The following ENTPD6 variants were observed in gnomAD, a reference collection of about 807,000 sequenced individuals.
ENTPD6 encodes the protein ectonucleoside triphosphate diphosphohydrolase 6.
ENTPD6 carries 46 observed loss-of-function variants against 61.5 expected under a neutral mutation model. That is an observed-to-expected ratio of 0.75 (90% CI 0.59 to 0.96). ENTPD6 has a LOEUF of 0.96. Ranked by LOEUF, ENTPD6 falls within the 40% of genes least tolerant of loss-of-function variation. The probability of loss-of-function intolerance (pLI) is 0.00; values close to 1 mark genes in which losing one functional copy is unlikely to be tolerated. For synonymous variants in ENTPD6, 252 were observed against 255.5 expected (o/e 0.99, Z 0.13); for missense variants, 612 against 629.0 (o/e 0.97, Z 0.29).
In ENTPD6 at chr20:25,209,787, A is replaced by T. The variant is rs2091824195; in HGVS notation, c.377-62A>T. ...TCTTTAAAAAGTGTGGCTAGTCATG[A>T]TTGTATGTGTTCTCCTGTGTGTATT... On this transcript the variant is annotated intron_variant, in intron 3 of 14. Transcript: ENST00000376652. The T allele has an allele frequency of 3.5e-6, 5 of 1,412,944 alleles. No individual in the cohort carries two copies. In the Admixed American group the frequency reaches 8.4e-5, roughly 24 times the overall value. The allele number at this position is 1,412,944 out of a possible 1,614,324, so 87.5% of individuals were successfully genotyped here.
intron 11 of ENTPD6, chr20:25,221,643 G>T (rs2092636332): frequency 2.4e-6 from 1 of 417,012 alleles, no homozygotes. Flanking sequence ...GAGATGCAGG[G>T]CTGGGACTGG....
rs2092230304 is a variant in ENTPD6 at position 25,214,941 on chromosome 20, A to G, written c.672A>G (p.Glu224=). 1 of 1,606,186 alleles carries G rather than the reference A, an allele frequency of 6.2e-7. No homozygotes were observed. Among genetic ancestry groups the G allele is most frequent in the South Asian group, 1.1e-5 (1 of 90,934 alleles). ...TTTCCATCATGAACGGAACAGATGA[A>G]GGTAAATGGCTGGAAGCACCTCTGT... ...DCVSIMNGTD[E]GVSAWITINF... is the part of the protein sequence containing the mutation. Residue 224 remains glutamate, a splice_region_variant and synonymous_variant, in exon 6 of 15, where the codon GAA becomes GAG. Transcript: ENST00000376652.
intron 1 of ENTPD6, 136 bp downstream of exon 1, chr20:25,196,003 C>T: frequency 4.7e-6 from 4 of 853,654 alleles, no homozygotes; most frequent in Non-Finnish European, 6.2e-6. Flanking sequence ...CTCCTGCTGC[C>T]TTCCTGTCCA....
At chr20:25,217,225 C>G (rs557978709) in intron 8 of ENTPD6, among the ~76,000 whole-genome samples, 1 of 152,090 alleles carries the variant, frequency 6.6e-6, no homozygotes, top group Non-Finnish European at 1.5e-5. Flanking sequence ...GGTAGTTTTC[C>G]ATGGAAGGGT....
At chr20:25,212,466 G>A (rs182236325) in intron 4 of ENTPD6, among the ~76,000 whole-genome samples, 81 of 152,270 alleles carry the variant, frequency 5.3e-4, no homozygotes, top group African/African-American at 1.9e-3. Flanking sequence ...TCCTCCCCCT[G>A]CCATGTTTCA....
Position 25,224,211 on chromosome 20 carries a change from G to A in ENTPD6, c.1243+54G>A, listed in dbSNP as rs887761119. On this transcript the variant is annotated intron_variant, in intron 13 of 14. Transcript: ENST00000376652. ...CAGGGGCAGGCGCCCCGTGATGCTCGTGACGCAGGCGCTGGCCCTGACTCT... is the reference window on the plus strand; with the variant it reads ...CAGGGGCAGGCGCCCCGTGATGCTCATGACGCAGGCGCTGGCCCTGACTCT... 1.0e-4 allele frequency: 158 copies of A among 1,537,772 alleles called. 1 individual carries two copies. In the Admixed American group the frequency reaches 2.0e-3, roughly 20 times the overall value.
At chr20:25,199,269 A>G (rs1052533011) in intron 1 of ENTPD6, among the ~76,000 whole-genome samples, 4 of 152,206 alleles carry the variant, frequency 2.6e-5, no homozygotes, top group Non-Finnish European at 4.4e-5. Flanking sequence ...CCGCCAGCAC[A>G]TTTCAGCAGG....
intron 11 of ENTPD6, 122 bp from the exon 12 acceptor site, chr20:25,222,716 C>T: frequency 2.2e-6 from 3 of 1,375,510 alleles, no homozygotes. Flanking sequence ...TTACAGGCTT[C>T]TGGACCTGCC....
intron 1 of ENTPD6, among the ~76,000 whole-genome samples, chr20:25,203,500 T>C (rs137867472): frequency 3.3e-5 from 5 of 152,364 alleles, no homozygotes; most frequent in African/African-American, 1.2e-4. Context: ...AAATGTGCTA[T>C]GTTGAAGTTT....
chr20:25,219,333 G>T (rs559871980), intron 10 of ENTPD6, among the ~76,000 whole-genome samples: 1 of 152,366 alleles, frequency 6.6e-6, no homozygotes, highest in South Asian at 2.1e-4. Context: ...CAGGAGGGCT[G>T]TGGGGGGTGC....
At chr20:25,202,976 C>T (rs1341075245) in intron 1 of ENTPD6, among the ~76,000 whole-genome samples, 1 of 152,202 alleles carries the variant, frequency 6.6e-6, no homozygotes, top group Non-Finnish European at 1.5e-5. Flanking sequence ...AATGAACACG[C>T]ACATCTTTTA....
intron 4 of ENTPD6, among the ~76,000 whole-genome samples, chr20:25,212,596 T>C (rs933762609): frequency 2.6e-5 from 4 of 152,206 alleles, no homozygotes; most frequent in African/African-American, 9.6e-5. Context: ...GGCTGACACC[T>C]CTAATCATAG....
intron 3 of ENTPD6, among the ~76,000 whole-genome samples, chr20:25,209,554 T>TAA (rs11481940): frequency 6.7e-5 from 10 of 149,052 alleles, no homozygotes; most frequent in Non-Finnish European, 1.5e-4. Context: ...CCCTTCTCTT[T>TAA]AAAAAAAAAT....
chr20:25,201,362 T>C (rs11698185), intron 1 of ENTPD6, among the ~76,000 whole-genome samples: 60,120 of 152,126 alleles, frequency 0.4, 13,569 homozygotes, highest in East Asian at 0.92. Flanking sequence ...AGTCTCCTAG[T>C]ATAATAATAT....
At position 25,202,441 on chromosome 20, in the gene ENTPD6, T is replaced by C. The variant is rs2091122052; in HGVS notation, c.-15-4081T>C. On this transcript the variant is annotated intron_variant, in intron 1 of 14. Coordinates refer to ENST00000376652, the MANE Select transcript of ENTPD6 (RefSeq NM_001247.5). ...TTTGATGTTTTGTTATTTATATATA[T>C]TTTATAGCTTTTTTTGTCCTTCATT... 3.9e-5 allele frequency among the ~76,000 whole-genome samples: 6 copies of C among 152,230 alleles called. No homozygotes were observed. The South Asian group carries it at 1.2e-3, about 32-fold the overall frequency.
chr20:25,224,934 T>C (rs751465377), intron 13 of ENTPD6: 27 of 522,466 alleles, frequency 5.2e-5, no homozygotes, highest in Admixed American at 1.0e-4. Context: ...GGGTCTTAGA[T>C]GTAGAAATGT....
Position 25,217,561 on chromosome 20 carries a change from C to T in ENTPD6, c.858C>T (p.Thr286=), listed in dbSNP as rs781747174. 3 of 1,614,036 alleles carry T rather than the reference C, an allele frequency of 1.9e-6. No individual in the cohort carries two copies. Among genetic ancestry groups the T allele is most frequent in the Admixed American group, 3.3e-5 (2 of 59,994 alleles). ...CGGCACTGCGGATGTTTAACAGGAC[C>T]TACAAGCTCTATTCCTACAGGTCTG... ...YLTALRMFNR[T]YKLYSYSYLG... The change falls in exon 9 of 15, where the codon ACC becomes ACT. Residue 286 remains threonine, a synonymous_variant. Transcript: ENST00000376652.
chr20:25,215,542 T>C (rs2092266080), intron 6 of ENTPD6, 134 bp from the exon 7 acceptor site: 2 of 838,472 alleles, frequency 2.4e-6, no homozygotes, highest in Admixed American at 1.9e-5. Flanking sequence ...CTGCCGATGA[T>C]CTGAAGGCTG....
chr20:25,223,700 CTTTTTTT>C (rs74377963), intron 12 of ENTPD6, among the ~76,000 whole-genome samples: 6 of 138,776 alleles, frequency 4.3e-5, no homozygotes, highest in African/African-American at 1.3e-4. Flanking sequence ...TTTTCAAGAA[CTTTTTTT>C]TTTTTTTTTT....
Sources: allele counts gnomAD v4.1 joint callset (sites outside exome capture counted in the v4.1 genomes callset), GRCh38; gene constraint gnomAD v4.1.1; transcripts MANE v1.5; gene names NCBI Gene and HGNC (gene_info 2026-07-23, HGNC 2026-07-21).